The following PPARGC1A variants were observed in gnomAD, a reference collection of about 807,000 sequenced individuals.
The protein encoded by PPARGC1A is PPARG coactivator 1 alpha.
A neutral mutation model predicts 88.7 loss-of-function variants in PPARGC1A; 25 were observed. The ratio of observed to expected loss-of-function variants is 0.28; its 90% CI spans 0.21 to 0.39. The LOEUF is 0.39. Ranked by LOEUF, PPARGC1A falls within the 10% of genes least tolerant of loss-of-function variation. The pLI, the probability that PPARGC1A is intolerant of heterozygous loss-of-function variation, is 1.00. For synonymous variants in PPARGC1A, 363 were observed against 355.6 expected, an observed-to-expected ratio of 1.02 and a Z score of -0.24; for missense variants, 880 against 968.7, an observed-to-expected ratio of 0.91 and a Z score of 1.22.
the PPARGC1A span, among the ~76,000 whole-genome samples, chr4:23,979,491 G>A: frequency 1.2e-4 from 18 of 152,238 alleles, no homozygotes; most frequent in African/African-American, 3.6e-4. Context: ...TTACAATTTG[G>A]GGGATGGAGG....
chr4:24,412,009 A>G, the PPARGC1A span, among the ~76,000 whole-genome samples: 1 of 152,206 alleles, frequency 6.6e-6, no homozygotes, highest in Non-Finnish European at 1.5e-5. Flanking sequence ...ATAAGTTTTC[A>G]TCTCCGTTTG....
the PPARGC1A span, among the ~76,000 whole-genome samples, chr4:24,288,241 C>G: frequency 6.6e-6 from 1 of 152,312 alleles, no homozygotes; most frequent in African/African-American, 2.4e-5. Flanking sequence ...CTCAGTCTCC[C>G]AGGGGCAAAG....
At chr4:24,272,273 A>G in the PPARGC1A span, among the ~76,000 whole-genome samples, 1 of 152,182 alleles carries the variant, frequency 6.6e-6, no homozygotes, top group Non-Finnish European at 1.5e-5. Flanking sequence ...GATTTTGAGC[A>G]TTATTCCTAA....
chr4:24,347,961 C>T, the PPARGC1A span, among the ~76,000 whole-genome samples: 10 of 152,016 alleles, frequency 6.6e-5, no homozygotes, highest in East Asian at 1.7e-3. Context: ...AATTTAGAGC[C>T]ACCACAAGAC....
At chr4:24,195,195 A>C in the PPARGC1A span, among the ~76,000 whole-genome samples, 2 of 152,168 alleles carry the variant, frequency 1.3e-5, no homozygotes, top group Non-Finnish European at 2.9e-5. Flanking sequence ...CAGCTCTGTT[A>C]ACTAATATGA....
chr4:24,271,568 G>A, the PPARGC1A span, among the ~76,000 whole-genome samples: 22 of 152,054 alleles, frequency 1.4e-4, no homozygotes, highest in Non-Finnish European at 3.1e-4. Flanking sequence ...TAGTAGAAAT[G>A]GGGTTTCACC....
chr4:24,162,574 T>C, the PPARGC1A span, among the ~76,000 whole-genome samples: 3 of 149,650 alleles, frequency 2.0e-5, no homozygotes, highest in Non-Finnish European at 4.4e-5. Context: ...TTTCCTGAAA[T>C]AGATGTTCCT....
At chr4:24,133,780 T>C in the PPARGC1A span, among the ~76,000 whole-genome samples, 2 of 152,330 alleles carry the variant, frequency 1.3e-5, no homozygotes, top group Non-Finnish European at 1.5e-5. Context: ...ATTTGCCTTC[T>C]CTGTAGGGTG....
At chr4:24,301,043 A>G in the PPARGC1A span, among the ~76,000 whole-genome samples, 1 of 152,100 alleles carries the variant, frequency 6.6e-6, no homozygotes, top group Admixed American at 6.6e-5. Flanking sequence ...ATTCATAAAG[A>G]GAAGGAAAAA....
chr4:24,211,907 C>A, the PPARGC1A span, among the ~76,000 whole-genome samples: 1 of 152,184 alleles, frequency 6.6e-6, no homozygotes, highest in African/African-American at 2.4e-5. Context: ...CCTACTGTTT[C>A]ATCGCCTAAG....
At chr4:24,017,067 G>A in the PPARGC1A span, among the ~76,000 whole-genome samples, 1 of 152,166 alleles carries the variant, frequency 6.6e-6, no homozygotes, top group Admixed American at 6.6e-5. Context: ...CAAGGCGTGA[G>A]GGCAGAGCTG....
At chr4:24,412,429 G>A in the PPARGC1A span, among the ~76,000 whole-genome samples, 1 of 152,106 alleles carries the variant, frequency 6.6e-6, no homozygotes, top group East Asian at 1.9e-4. Context: ...ATTTAATGAT[G>A]TGAAAATTAC....
the PPARGC1A span, among the ~76,000 whole-genome samples, chr4:24,084,266 T>C: frequency 1.3e-5 from 2 of 152,328 alleles, no homozygotes; most frequent in African/African-American, 2.4e-5. Context: ...TTCTAGGCTA[T>C]AGAAGTTAGG....
chr4:24,068,002 TTGTG>T, the PPARGC1A span, among the ~76,000 whole-genome samples: 6 of 151,232 alleles, frequency 4.0e-5, no homozygotes, highest in Admixed American at 6.6e-5. Flanking sequence ...ATGTGTGTGC[TTGTG>T]TGTGTGTGTG....
At chr4:24,426,308 A>G in the PPARGC1A span, among the ~76,000 whole-genome samples, 1 of 152,228 alleles carries the variant, frequency 6.6e-6, no homozygotes, top group Non-Finnish European at 1.5e-5. Flanking sequence ...CCCTAATTTA[A>G]AGGGGAAGAA....
At chr4:24,310,080 G>C in the PPARGC1A span, among the ~76,000 whole-genome samples, 1 of 152,162 alleles carries the variant, frequency 6.6e-6, no homozygotes, top group South Asian at 2.1e-4. Context: ...ATTTCGCAAA[G>C]AGAAATTTTA....
chr4:24,035,686 A>G, the PPARGC1A span, among the ~76,000 whole-genome samples: 1 of 152,202 alleles, frequency 6.6e-6, no homozygotes, highest in Non-Finnish European at 1.5e-5. Context: ...GTACACAGGC[A>G]GTTTTGTGTG....
chr4:24,027,004 A>G, the PPARGC1A span, among the ~76,000 whole-genome samples: 1 of 152,178 alleles, frequency 6.6e-6, no homozygotes, highest in Non-Finnish European at 1.5e-5. Flanking sequence ...CTAACGGGTC[A>G]GTAATGTGGT....
the PPARGC1A span, among the ~76,000 whole-genome samples, chr4:24,426,581 A>G: frequency 6.6e-6 from 1 of 152,346 alleles, no homozygotes; most frequent in East Asian, 1.9e-4. Context: ...GCAATAATGT[A>G]TAGTTTTGTG....
Sources: gnomAD v4.1 joint callset for allele counts (sites outside exome capture counted in the v4.1 genomes callset) on GRCh38, gnomAD v4.1.1 for gene constraint, MANE v1.5 for transcripts, NCBI Gene and HGNC (gene_info 2026-07-23, HGNC 2026-07-21) for gene names.